KCNK9: variants seen among roughly 807,000 people sequenced by gnomAD.
KCNK9 encodes the protein potassium channel subfamily K member 9.
KCNK9 carries 1 observed loss-of-function variant against 10.8 expected under a neutral mutation model. The observed-to-expected ratio is 0.09, with a 90% CI of 0.03 to 0.44. The LOEUF (loss-of-function observed/expected upper bound fraction) is 0.44. Ranked by LOEUF, KCNK9 falls within the 20% of genes least tolerant of loss-of-function variation. The pLI is 0.97. For missense variants in KCNK9, 303 were observed against 515.0 expected, an observed-to-expected ratio of 0.59 and a Z score of 3.98; for synonymous variants, 231 against 222.7, an observed-to-expected ratio of 1.04 and a Z score of -0.33.
At chr8:139,665,819 G>A (rs945541399) in intron 1 of KCNK9, among the ~76,000 whole-genome samples, 2 of 152,164 alleles carry the variant, frequency 1.3e-5, no homozygotes, top group Non-Finnish European at 2.9e-5. Context: ...CTTCCAACAC[G>A]GTAGGTCTGG....
intron 1 of KCNK9, among the ~76,000 whole-genome samples, chr8:139,651,277 C>A (rs2129674981): frequency 6.6e-6 from 1 of 152,346 alleles, no homozygotes; most frequent in South Asian, 2.1e-4. Context: ...TGCAGCACTG[C>A]TCCTCCACCT....
chr8:139,638,694 C>G (rs1300059847), intron 1 of KCNK9, among the ~76,000 whole-genome samples: 2 of 152,220 alleles, frequency 1.3e-5, no homozygotes. Flanking sequence ...GCACCTGCAC[C>G]CACCTCAGGC....
chr8:139,690,683 T>C (rs1816917749), intron 1 of KCNK9, among the ~76,000 whole-genome samples: 1 of 152,146 alleles, frequency 6.6e-6, no homozygotes, highest in Non-Finnish European at 1.5e-5. Context: ...GGACAGTGTC[T>C]GGGACTGCAC....
chr8:139,661,484 G>C (rs1282930498), intron 1 of KCNK9, among the ~76,000 whole-genome samples: 1 of 152,178 alleles, frequency 6.6e-6, no homozygotes. Context: ...CCCCTGCCAG[G>C]CTTGCCCTCG....
chr8:139,624,295 C>G (rs999082395), intron 1 of KCNK9, among the ~76,000 whole-genome samples: 1 of 152,206 alleles, frequency 6.6e-6, no homozygotes, highest in Non-Finnish European at 1.5e-5. Flanking sequence ...CATAGTGGTG[C>G]TGGTGACAGA....
chr8:139,650,710 G>A (rs951066530), intron 1 of KCNK9, among the ~76,000 whole-genome samples: 10 of 152,152 alleles, frequency 6.6e-5, no homozygotes, highest in Non-Finnish European at 1.0e-4. Context: ...AGTAAACTTC[G>A]ACAACCACAC....
chr8:139,662,455 G>T (rs1434345672), intron 1 of KCNK9, among the ~76,000 whole-genome samples: 1 of 152,124 alleles, frequency 6.6e-6, no homozygotes, highest in African/African-American at 2.4e-5. Flanking sequence ...GCTCTCTAGT[G>T]GCAGCTGTAT....
chr8:139,660,839 A>G (rs988596836), intron 1 of KCNK9, among the ~76,000 whole-genome samples: 1 of 152,120 alleles, frequency 6.6e-6, no homozygotes, highest in Admixed American at 6.5e-5. Context: ...CAGAGAGGTC[A>G]CATCACCTGC....
At chr8:139,697,496 T>C (rs1817091942) in intron 1 of KCNK9, among the ~76,000 whole-genome samples, 1 of 151,832 alleles carries the variant, frequency 6.6e-6, no homozygotes, top group South Asian at 2.1e-4. Flanking sequence ...GGTGGGTGGA[T>C]GGATGTGTGA....
intron 1 of KCNK9, among the ~76,000 whole-genome samples, chr8:139,665,130 T>C (rs777730235): frequency 6.6e-6 from 1 of 152,162 alleles, no homozygotes; most frequent in Non-Finnish European, 1.5e-5. Flanking sequence ...CATTTTCTCT[T>C]GCAGTTCAAG....
chr8:139,641,619 C>A (rs1380571777), intron 1 of KCNK9, among the ~76,000 whole-genome samples: 3 of 78,526 alleles, frequency 3.8e-5, no homozygotes, highest in African/African-American at 1.5e-4. Flanking sequence ...TCTGCCCCAG[C>A]GCTCTGGCCT....
At chr8:139,622,231 T>C (rs1814808903) in intron 1 of KCNK9, among the ~76,000 whole-genome samples, 1 of 152,222 alleles carries the variant, frequency 6.6e-6, no homozygotes, top group South Asian at 2.1e-4. Context: ...TCTTCCCCAT[T>C]AACACATTTC....
At chr8:139,635,433 A>G (rs979527202) in intron 1 of KCNK9, among the ~76,000 whole-genome samples, 16 of 152,216 alleles carry the variant, frequency 1.1e-4, no homozygotes, top group Admixed American at 5.9e-4. Flanking sequence ...GGACAGGGAC[A>G]CTTTTATGGT....
intron 1 of KCNK9, among the ~76,000 whole-genome samples, chr8:139,678,569 C>A (rs1335186727): frequency 6.6e-6 from 1 of 152,270 alleles, no homozygotes; most frequent in Non-Finnish European, 1.5e-5. Context: ...CTGGAATGTT[C>A]TCTCAACACC....
At chr8:139,609,011 T>G (rs548093348), downstream of KCNK9, among the ~76,000 whole-genome samples, 2 of 146,326 alleles carry the variant, frequency 1.4e-5, no homozygotes, top group South Asian at 2.3e-4. Context: ...CGCGTATGTA[T>G]TTGATTGACC....
At chr8:139,649,756 T>A (rs1815803470) in intron 1 of KCNK9, among the ~76,000 whole-genome samples, 1 of 152,146 alleles carries the variant, frequency 6.6e-6, no homozygotes, top group African/African-American at 2.4e-5. Flanking sequence ...GGGAAAAAAA[T>A]TGCTTAACCT....
chr8:139,604,971 C>T (rs781665732), intron 2 of KCNK9, among the ~76,000 whole-genome samples: 4 of 152,236 alleles, frequency 2.6e-5, no homozygotes, highest in Admixed American at 6.5e-5. Context: ...TTTGGAAATG[C>T]ACCTTCTCAG....
At chr8:139,636,480 C>T (rs1815343625) in intron 1 of KCNK9, among the ~76,000 whole-genome samples, 1 of 152,252 alleles carries the variant, frequency 6.6e-6, no homozygotes, top group Non-Finnish European at 1.5e-5. Context: ...TTTCCCTTCC[C>T]TATGGCCCTT....
At chr8:139,701,492 T>C (rs1817218223) in intron 1 of KCNK9, among the ~76,000 whole-genome samples, 1 of 150,336 alleles carries the variant, frequency 6.7e-6, no homozygotes, top group African/African-American at 2.5e-5. Context: ...AAGAGGGAAA[T>C]TAGAGGAGGA....
Sources: allele counts gnomAD v4.1 joint callset (sites outside exome capture counted in the v4.1 genomes callset), GRCh38; gene constraint gnomAD v4.1.1; transcripts MANE v1.5; gene names NCBI Gene and HGNC (gene_info 2026-07-23, HGNC 2026-07-21).